The following AASS variants were observed in gnomAD, a reference collection of about 807,000 sequenced individuals.
The protein encoded by AASS is alpha-aminoadipic semialdehyde synthase, mitochondrial.
A neutral mutation model predicts 105.4 loss-of-function variants in AASS; 86 were observed. The observed-to-expected ratio is 0.82, with a 90% CI of 0.69 to 0.98. The LOEUF is 0.98. AASS is among the 50% of genes least tolerant of loss of function. The pLI, the probability that AASS is intolerant of heterozygous loss-of-function variation, is 0.00. For synonymous variants in AASS, 381 were observed against 394.8 expected (o/e 0.96, Z 0.41); for missense variants, 1,048 against 1,143.2 (o/e 0.92, Z 1.20).
In AASS at chr7:122,073,889, G is replaced by A. The variant is rs1020520763; in HGVS notation, c.*2600C>T. ...TGATATGTTTTCAAGGTTTTTCCAT[G>A]TTGTGGTGCATATCAGTACTTCATC... On this transcript the variant is annotated 3_prime_UTR_variant, in exon 24 of 24. Coordinates refer to ENST00000417368, the MANE Select transcript of AASS (RefSeq NM_005763.4). Among the ~76,000 whole-genome samples, 4 of 152,104 alleles carry A rather than the reference G, an allele frequency of 2.6e-5. No homozygotes were observed. The highest frequency in any genetic ancestry group is 9.7e-5 in the African/African-American group (4 of 41,418).
intron 1 of AASS, among the ~76,000 whole-genome samples, chr7:122,141,456 A>G (rs1796392470): frequency 6.6e-6 from 1 of 152,162 alleles, no homozygotes; most frequent in Non-Finnish European, 1.5e-5. Flanking sequence ...TAAACTGCAA[A>G]TGTGTATGAG....
intron 15 of AASS, among the ~76,000 whole-genome samples, chr7:122,095,677 A>T (rs1310622606): frequency 1.3e-5 from 2 of 151,848 alleles, no homozygotes; most frequent in African/African-American, 2.4e-5. Flanking sequence ...ATAATGCAGA[A>T]TAAAATTGTG....
intron 18 of AASS, among the ~76,000 whole-genome samples, chr7:122,088,996 T>C (rs1793769147): frequency 6.6e-6 from 1 of 151,964 alleles, no homozygotes; most frequent in African/African-American, 2.4e-5. Context: ...TGTAAGACAA[T>C]GAGACACATT....
At position 122,084,820 on chromosome 7, in the gene AASS, A is replaced by T. The variant is rs1001735058; in HGVS notation, c.2184+1192T>A. On this transcript the variant is annotated intron_variant, in intron 19 of 23. Transcript: ENST00000417368. ...TAAAAAGATAATTAGAGAATACTAG[A>T]TAACACACATGAGACAAATCCCCTC... Among the ~76,000 whole-genome samples the T allele has an allele frequency of 3.3e-5, 5 of 152,150 alleles. No individual in the cohort carries two copies. In the East Asian group the frequency reaches 9.6e-4, roughly 29 times the overall value.
intron 9 of AASS, among the ~76,000 whole-genome samples, chr7:122,114,405 G>A (rs1795074447): frequency 6.6e-6 from 1 of 152,118 alleles, no homozygotes. Flanking sequence ...TTTACTTGAT[G>A]CCAGTTACAT....
At chr7:122,140,501 A>AAAAAAAAAAAAAAAAAAAAAAAAAAAAT (rs1562999750) in intron 1 of AASS, among the ~76,000 whole-genome samples, 1 of 149,450 alleles carries the variant, frequency 6.7e-6, no homozygotes, top group African/African-American at 2.5e-5. Context: ...AAAAAAAAAA[A>AAAAAAAAAAAAAAAAAAAAAAAAAAAAT]AAAAAAAGAA....
At position 122,076,465 on chromosome 7, in the gene AASS, A is replaced by T. The variant is rs1053301545; in HGVS notation, c.*24T>A. The T allele has an allele frequency of 6.4e-7, 1 of 1,562,206 alleles. No homozygotes were observed. ...GTTCAGAGGTGTATTGCCTGGGAAG[A>T]AAAAAACAAAATATAATTCCCAATT... On this transcript the variant is annotated 3_prime_UTR_variant, in exon 24 of 24. Coordinates refer to ENST00000417368, the MANE Select transcript of AASS (RefSeq NM_005763.4).
At chr7:122,119,273 T>C (rs192290707) in intron 4 of AASS, among the ~76,000 whole-genome samples, 1 of 152,310 alleles carries the variant, frequency 6.6e-6, no homozygotes, top group East Asian at 1.9e-4. Flanking sequence ...CCCTCAGGAT[T>C]ATGTCCTGGG....
intron 3 of AASS, among the ~76,000 whole-genome samples, chr7:122,127,165 C>T (rs933205575): frequency 6.6e-6 from 1 of 152,080 alleles, no homozygotes; most frequent in Non-Finnish European, 1.5e-5. Context: ...GGAGTGATTC[C>T]TGACTCCTCT....
intron 19 of AASS, among the ~76,000 whole-genome samples, chr7:122,082,609 G>C (rs1173700149): frequency 6.6e-6 from 1 of 152,086 alleles, no homozygotes; most frequent in Non-Finnish European, 1.5e-5. Context: ...TTTTATTTGT[G>C]TGCATATTCT....
At chr7:122,119,324 C>A (rs887529905) in intron 4 of AASS, among the ~76,000 whole-genome samples, 2 of 152,110 alleles carry the variant, frequency 1.3e-5, no homozygotes, top group Non-Finnish European at 2.9e-5. Context: ...CTTAGGTAAT[C>A]TCATCTAGTC....
In AASS at chr7:122,133,589, G is replaced by A. The variant is rs1796007721; in HGVS notation, c.138C>T (p.His46=). 3 of 1,614,144 alleles carry A rather than the reference G, an allele frequency of 1.9e-6. No individual in the cohort carries two copies. In the African/African-American group the frequency reaches 4.0e-5, roughly 22 times the overall value. Residue 46 remains histidine (H), a synonymous_variant, in exon 2 of 24, where the codon CAC becomes CAT. Transcript: ENST00000417368. ...WERRAPLAPK[H]IKGITNLGYK... ...ATCCCAGATTGGTGATGCCTTTGAT[G>A]TGCTTGGGAGCTAGCGGGGCCCTTC...
chr7:122,101,929 G>C (rs1479227727), intron 11 of AASS, among the ~76,000 whole-genome samples: 7 of 151,832 alleles, frequency 4.6e-5, no homozygotes, highest in African/African-American at 1.7e-4. Context: ...ATCTTTGCTT[G>C]CTGTGAACAC....
chr7:122,123,511 C>T (rs189037534), intron 4 of AASS, among the ~76,000 whole-genome samples: 5 of 152,316 alleles, frequency 3.3e-5, no homozygotes, highest in Admixed American at 2.6e-4. Flanking sequence ...TAATCTTTCA[C>T]AGATGGAGGG....
chr7:122,120,694 G>T (rs1234878440), intron 4 of AASS, among the ~76,000 whole-genome samples: 2 of 151,910 alleles, frequency 1.3e-5, no homozygotes, highest in Non-Finnish European at 2.9e-5. Flanking sequence ...ATTAAATGCT[G>T]TAAATTTCTT....
In AASS at chr7:122,101,423, T is replaced by G. The variant is rs779610441; in HGVS notation, c.1354A>C (p.Asn452His). The change falls in exon 13 of 24, where the codon AAC (asparagine) becomes CAC (histidine). Residue 452 changes from asparagine (N) to histidine (H), a missense_variant. Coordinates refer to ENST00000417368, the MANE Select transcript of AASS (RefSeq NM_005763.4). Reference protein sequence around the residue: ...PVVRDAVITSNGTLPDKYKYI... With the variant: ...PVVRDAVITSHGTLPDKYKYI... Reference sequence around the variant, plus strand: ...TTATATTTATCAGGTAATGTACCGTTGGATGTAATCACTGCCTAAATGTAT... The same window carrying G: ...TTATATTTATCAGGTAATGTACCGTGGGATGTAATCACTGCCTAAATGTAT... 6.2e-7 allele frequency: 1 copy of G among 1,610,682 alleles called. No individual in the cohort carries two copies. The highest frequency in any genetic ancestry group is 8.5e-7 in the Non-Finnish European group (1 of 1,177,424).
chr7:122,098,420 T>C, intron 15 of AASS, 30 bp downstream of exon 15: 1 of 1,610,484 alleles, frequency 6.2e-7, no homozygotes, highest in Non-Finnish European at 8.5e-7. Context: ...ACAACAAAAA[T>C]ATGAAACTCA....
chr7:122,123,286 C>T (rs542609566), intron 4 of AASS, among the ~76,000 whole-genome samples: 1 of 152,300 alleles, frequency 6.6e-6, no homozygotes, highest in African/African-American at 2.4e-5. Flanking sequence ...TTATTGAGTT[C>T]ACCAAGCTTT....
rs1162491479 is a variant in AASS, at chr7:122,074,524, T to A, written c.*1965A>T. On this transcript the variant is annotated 3_prime_UTR_variant, in exon 24 of 24. Coordinates refer to ENST00000417368, the MANE Select transcript of AASS (RefSeq NM_005763.4). ...CTTCTTTTGTTGCTTGTGTTTTTAG[T>A]GTCATTTATTTAAGAAATCATTGCC... Among the ~76,000 whole-genome samples, 1 of 152,210 alleles carries A rather than the reference T, an allele frequency of 6.6e-6. No individual in the cohort carries two copies. The highest frequency in any genetic ancestry group is 2.4e-5 in the African/African-American group (1 of 41,450).
Sources: allele counts gnomAD v4.1 joint callset (sites outside exome capture counted in the v4.1 genomes callset), GRCh38; gene constraint gnomAD v4.1.1; transcripts MANE v1.5; gene names NCBI Gene and HGNC (gene_info 2026-07-23, HGNC 2026-07-21).